NRXN3: variants seen among roughly 807,000 people sequenced by gnomAD.
The protein encoded by NRXN3 is neurexin III.
Under a neutral mutation model 137.6 loss-of-function variants are expected in NRXN3, and 32 were observed. The observed-to-expected ratio is 0.23, with a 90% CI of 0.18 to 0.31. NRXN3 has a LOEUF of 0.31. Ranked by LOEUF, NRXN3 falls within the 10% of genes least tolerant of loss-of-function variation. The pLI is 1.00. For synonymous variants in NRXN3, 798 were observed against 784.5 expected (o/e 1.02, Z -0.29); for missense variants, 1,574 against 2,062.5 (o/e 0.76, Z 4.59).
At chr14:78,523,816 C>CACAAAAAAAAAA (rs2096328033) in intron 4 of NRXN3, among the ~76,000 whole-genome samples, 1 of 61,604 alleles carries the variant, frequency 1.6e-5, no homozygotes, top group Non-Finnish European at 2.6e-5. Context: ...GACTCTGTCT[C>CACAAAAAAAAAA]AAAAAAAAAA....
At chr14:79,131,549 C>G (rs1227160757) in intron 15 of NRXN3, among the ~76,000 whole-genome samples, 1 of 152,230 alleles carries the variant, frequency 6.6e-6, no homozygotes, top group Non-Finnish European at 1.5e-5. Flanking sequence ...AGATCTCTAG[C>G]TGCATGCTGG....
intron 4 of NRXN3, among the ~76,000 whole-genome samples, chr14:78,359,292 G>T (rs1282264364): frequency 6.6e-6 from 1 of 152,074 alleles, no homozygotes; most frequent in Admixed American, 6.6e-5. Context: ...GTTTTAATTG[G>T]TCTCAGGTGT....
intron 6 of NRXN3, 52 bp from the exon 7 acceptor site, chr14:78,709,165 G>T: frequency 6.5e-7 from 1 of 1,539,784 alleles, no homozygotes; most frequent in Non-Finnish European, 8.8e-7. Context: ...GTGATGGATG[G>T]ATACTGTTTG....
At chr14:79,768,220 T>G (rs947526127) in intron 19 of NRXN3, among the ~76,000 whole-genome samples, 1 of 152,202 alleles carries the variant, frequency 6.6e-6, no homozygotes, top group Non-Finnish European at 1.5e-5. Flanking sequence ...TTGCCCAGGC[T>G]TGCTTAGGTA....
intron 10 of NRXN3, among the ~76,000 whole-genome samples, chr14:78,923,132 G>A (rs368918559): frequency 6.6e-6 from 1 of 152,134 alleles, no homozygotes; most frequent in African/African-American, 2.4e-5. Context: ...AATAGCCTTT[G>A]GCCTTGAGTG....
At chr14:78,770,212 A>C (rs1408549867) in intron 8 of NRXN3, among the ~76,000 whole-genome samples, 1 of 152,130 alleles carries the variant, frequency 6.6e-6, no homozygotes, top group African/African-American at 2.4e-5. Flanking sequence ...TAAGGACCTC[A>C]CCCAGGGTCG....
chr14:79,462,516 T>C (rs1309737269), intron 15 of NRXN3, among the ~76,000 whole-genome samples: 4 of 150,472 alleles, frequency 2.7e-5, no homozygotes, highest in African/African-American at 9.7e-5. Context: ...CACACATATA[T>C]GTATATATAT....
chr14:78,965,997 G>A (rs200709868), intron 11 of NRXN3, 28 bp from the exon 12 acceptor site: 3 of 1,602,512 alleles, frequency 1.9e-6, no homozygotes, highest in East Asian at 2.2e-5. Flanking sequence ...TAACTTTTCT[G>A]TTTGTACCTC....
At chr14:79,703,050 T>C (rs546478409) in intron 19 of NRXN3, among the ~76,000 whole-genome samples, 23 of 152,234 alleles carry the variant, frequency 1.5e-4, no homozygotes, top group African/African-American at 5.5e-4. Context: ...CACCTTGACA[T>C]TGGCAACTGC....
chr14:78,680,826 C>G (rs1243178821), intron 6 of NRXN3, among the ~76,000 whole-genome samples: 1 of 152,162 alleles, frequency 6.6e-6, no homozygotes, highest in East Asian at 1.9e-4. Flanking sequence ...TGGTCTACCT[C>G]CTGAACTAGC....
At chr14:78,860,186 G>A (rs1207268558) in intron 10 of NRXN3, among the ~76,000 whole-genome samples, 1 of 151,962 alleles carries the variant, frequency 6.6e-6, no homozygotes, top group Non-Finnish European at 1.5e-5. Context: ...TTACTGCACT[G>A]GGTACCTTAT....
intron 4 of NRXN3, among the ~76,000 whole-genome samples, chr14:78,581,014 A>G (rs2096989187): frequency 6.6e-6 from 1 of 152,218 alleles, no homozygotes; most frequent in Non-Finnish European, 1.5e-5. Flanking sequence ...ACCATCTACT[A>G]TATGCCAGGT....
intron 16 of NRXN3, among the ~76,000 whole-genome samples, chr14:79,517,652 G>A (rs1470177751): frequency 7.9e-6 from 1 of 126,802 alleles, no homozygotes; most frequent in Non-Finnish European, 1.9e-5. Context: ...GTGAGGTATT[G>A]ATACAAATTT....
chr14:78,257,148 G>A (rs2069776176), intron 2 of NRXN3, among the ~76,000 whole-genome samples: 1 of 152,222 alleles, frequency 6.6e-6, no homozygotes, highest in Admixed American at 6.5e-5. Context: ...TTTTTGGTAT[G>A]AAAACCATGG....
intron 15 of NRXN3, among the ~76,000 whole-genome samples, chr14:79,157,610 G>T (rs1443198810): frequency 6.6e-6 from 1 of 151,800 alleles, no homozygotes; most frequent in African/African-American, 2.4e-5. Flanking sequence ...TAAGGGAATA[G>T]TTGCCCTATC....
intron 6 of NRXN3, among the ~76,000 whole-genome samples, chr14:78,690,589 G>T (rs1349448574): frequency 2.0e-5 from 3 of 151,948 alleles, no homozygotes; most frequent in Non-Finnish European, 2.9e-5. Context: ...AATAAAATAT[G>T]GTCTTAAATA....
intron 8 of NRXN3, among the ~76,000 whole-genome samples, chr14:78,773,021 A>T (rs2098733307): frequency 1.3e-5 from 2 of 152,176 alleles, no homozygotes; most frequent in South Asian, 4.1e-4. Flanking sequence ...TCATAAGCAT[A>T]AAGTCCCGAT....
At chr14:78,284,934 C>T (rs918521354) in intron 3 of NRXN3, among the ~76,000 whole-genome samples, 2 of 152,226 alleles carry the variant, frequency 1.3e-5, no homozygotes, top group Admixed American at 1.3e-4. Context: ...AGCTCCAAGA[C>T]ATTGCATCCT....
intron 16 of NRXN3, among the ~76,000 whole-genome samples, chr14:79,606,090 C>G (rs1457777906): frequency 6.6e-6 from 1 of 152,086 alleles, no homozygotes. Flanking sequence ...GATTGGAAAG[C>G]CTCCAAAAAC....
Sources: allele counts gnomAD v4.1 joint callset (sites outside exome capture counted in the v4.1 genomes callset), GRCh38; gene constraint gnomAD v4.1.1; transcripts MANE v1.5; gene names NCBI Gene and HGNC (gene_info 2026-07-23, HGNC 2026-07-21).